Variants in INPP4B observed in about 807,000 individuals in gnomAD.
The protein encoded by INPP4B is inositol polyphosphate 4-phosphatase type II.
Under a neutral mutation model 122.5 loss-of-function variants are expected in INPP4B, and 55 were observed. The observed-to-expected ratio is 0.45, with a 90% confidence interval of 0.36 to 0.56. The LOEUF is 0.56. INPP4B is among the 20% of genes least tolerant of loss of function. The probability of loss-of-function intolerance (pLI) is 0.00; values close to 1 mark genes in which losing one functional copy is unlikely to be tolerated. For missense variants in INPP4B, 1,000 were observed against 1,097.7 expected (o/e 0.91, Z 1.26); for synonymous variants, 403 against 388.7 (o/e 1.04, Z -0.43).
intron 5 of INPP4B, chr4:142,427,370 A>G (rs3775717): frequency 0.26 from 118,824 of 454,682 alleles, 18,041 homozygotes; most frequent in Non-Finnish European, 0.32. Context: ...GTTTCTTAGT[A>G]TATTTTAAAA....
In INPP4B at chr4:142,348,793, C is replaced by G. The variant is rs148291445; in HGVS notation, c.373-34031G>C. On this transcript the variant is annotated intron_variant, in intron 7 of 25. Transcript: ENST00000262992. ...GAAGGTTATCAGAGCAAAACCTTAT[C>G]TGTCATAAGACTCCCCAGATATCAA... 5.1e-4 allele frequency among the ~76,000 whole-genome samples: 77 copies of G among 152,116 alleles called. 1 individual carries two copies. The highest frequency in any genetic ancestry group is 3.4e-3 in the Middle Eastern group (1 of 294).
chr4:142,659,288 C>A (rs1754729353), intron 2 of INPP4B, among the ~76,000 whole-genome samples: 1 of 151,738 alleles, frequency 6.6e-6, no homozygotes, highest in South Asian at 2.1e-4. Context: ...TGCCTGTAGT[C>A]CCAGCTACCC....
chr4:142,451,614 CA>C (rs1309488460), intron 3 of INPP4B, among the ~76,000 whole-genome samples: 23 of 152,236 alleles, frequency 1.5e-4, no homozygotes, highest in African/African-American at 4.3e-4. Context: ...GGTTACTTAA[CA>C]AAGAGATAAT....
In INPP4B at chr4:142,305,493, C is replaced by T. The variant is rs1762997274; in HGVS notation, c.468G>A (p.Leu156=). 1 of 1,612,940 alleles carries T rather than the reference C, an allele frequency of 6.2e-7. No individual in the cohort carries two copies. Among genetic ancestry groups the T allele is most frequent in the Non-Finnish European group, 8.5e-7 (1 of 1,179,366 alleles). ...GGACCAGCAATTGCTCCTTTGACTTCAGCAGCTCTCCCACTTTAAAACTGG... is the reference window on the plus strand; with the variant it reads ...GGACCAGCAATTGCTCCTTTGACTTTAGCAGCTCTCCCACTTTAAAACTGG... ...GYASFKVGEL[L]KSKEQLLVLS... The change falls in exon 9 of 26, where the codon CTG becomes CTA. Residue 156 remains leucine (L), a synonymous_variant. Coordinates refer to ENST00000262992, the MANE Select transcript of INPP4B (RefSeq NM_001101669.3).
intron 25 of INPP4B, 123 bp downstream of exon 25, chr4:142,081,908 C>T (rs1774081214): frequency 3.6e-6 from 2 of 562,062 alleles, no homozygotes; most frequent in Admixed American, 6.8e-5. Flanking sequence ...AGCTATAAGC[C>T]ATGAAAATGC....
intron 15 of INPP4B, among the ~76,000 whole-genome samples, chr4:142,188,408 ACCTGGAAGG>A (rs1305926541): frequency 1.4e-5 from 2 of 139,216 alleles, no homozygotes; most frequent in African/African-American, 5.2e-5. Flanking sequence ...AATGGTGTGG[ACCTGGAAGG>A]CAGAGCTTGC....
At chr4:142,249,083 C>T (rs114743737) in intron 11 of INPP4B, among the ~76,000 whole-genome samples, 10 of 152,028 alleles carry the variant, frequency 6.6e-5, no homozygotes, top group African/African-American at 1.7e-4. Flanking sequence ...GTACAAATAC[C>T]GGTAAGTTCT....
intron 2 of INPP4B, among the ~76,000 whole-genome samples, chr4:142,545,769 G>GTATATATATACACATATATATGTGTT (rs1829536752): frequency 7.4e-6 from 1 of 135,336 alleles, no homozygotes; most frequent in African/African-American, 2.9e-5. Context: ...GTATATGTGT[G>GTATATATATACACATATATATGTGTT]TATATATATA....
chr4:142,057,017 G>C (rs1758053646), intron 25 of INPP4B, among the ~76,000 whole-genome samples: 1 of 152,032 alleles, frequency 6.6e-6, no homozygotes, highest in Non-Finnish European at 1.5e-5. Context: ...ATGGTTGAGA[G>C]GTCATTTGTG....
At chr4:142,553,311 T>C (rs140699179) in intron 2 of INPP4B, among the ~76,000 whole-genome samples, 5 of 152,346 alleles carry the variant, frequency 3.3e-5, no homozygotes, top group Admixed American at 3.3e-4. Flanking sequence ...CCTAGACTTA[T>C]GTATCCAACT....
At chr4:142,832,845 T>C (rs1384966862) in intron 1 of INPP4B, among the ~76,000 whole-genome samples, 1 of 151,834 alleles carries the variant, frequency 6.6e-6, no homozygotes, top group Non-Finnish European at 1.5e-5. Context: ...CAAAAGAATG[T>C]CAAGTCTACC....
intron 1 of INPP4B, among the ~76,000 whole-genome samples, chr4:142,823,367 G>T (rs1487923656): frequency 1.3e-5 from 2 of 152,008 alleles, no homozygotes; most frequent in Admixed American, 6.6e-5. Flanking sequence ...AAACCATTAA[G>T]ATGTAAAATA....
At chr4:142,254,257 A>C (rs1040153755) in intron 11 of INPP4B, among the ~76,000 whole-genome samples, 3 of 151,622 alleles carry the variant, frequency 2.0e-5, no homozygotes, top group Non-Finnish European at 4.4e-5. Context: ...ATGGGGAAAA[A>C]GCAGAGCAGA....
At chr4:142,605,158 G>A (rs1414551182) in intron 2 of INPP4B, among the ~76,000 whole-genome samples, 2 of 151,718 alleles carry the variant, frequency 1.3e-5, no homozygotes, top group African/African-American at 4.8e-5. Flanking sequence ...CAAAAATTGT[G>A]ACCTGACCTA....
intron 2 of INPP4B, among the ~76,000 whole-genome samples, chr4:142,645,397 A>C (rs77175717): frequency 5.9e-5 from 9 of 152,174 alleles, no homozygotes; most frequent in African/African-American, 2.2e-4. Context: ...CCAAATATCC[A>C]TTCTTCCTTT....
chr4:142,501,557 G>GA (rs11392052), intron 2 of INPP4B, among the ~76,000 whole-genome samples: 26,084 of 150,380 alleles, frequency 0.17, 2,500 homozygotes, highest in East Asian at 0.39. Context: ...AAAACATGAG[G>GA]AAAAAAATAA....
intron 1 of INPP4B, among the ~76,000 whole-genome samples, chr4:142,733,012 G>A (rs989430897): frequency 1.3e-5 from 2 of 152,018 alleles, no homozygotes; most frequent in East Asian, 1.9e-4. Context: ...ACTCACACAA[G>A]TTATAACAAC....
intron 25 of INPP4B, among the ~76,000 whole-genome samples, chr4:142,052,257 G>C (rs11947398): frequency 0.03 from 4,614 of 151,966 alleles, 230 homozygotes; most frequent in African/African-American, 0.1. Flanking sequence ...GAAAATTAAA[G>C]AGATTAGATG....
At chr4:142,648,690 G>A (rs982859150) in intron 2 of INPP4B, among the ~76,000 whole-genome samples, 1 of 152,204 alleles carries the variant, frequency 6.6e-6, no homozygotes, top group African/African-American at 2.4e-5. Flanking sequence ...GCTGGGCGGA[G>A]CCCACCACAG....
Sources: allele counts gnomAD v4.1 joint callset (sites outside exome capture counted in the v4.1 genomes callset), GRCh38; gene constraint gnomAD v4.1.1; transcripts MANE v1.5; gene names NCBI Gene and HGNC (gene_info 2026-07-23, HGNC 2026-07-21).